Variants in NBEA observed in about 807,000 individuals in gnomAD.
NBEA encodes the protein lysosomal-trafficking regulator 2.
Under a neutral mutation model 343.4 loss-of-function variants are expected in NBEA, and 44 were observed. That is an observed-to-expected ratio of 0.13 (90% CI 0.10 to 0.16). The LOEUF is 0.16. Among genes scored for constraint, NBEA ranks in the 10% least tolerant of loss-of-function variants. The pLI is 1.00. For synonymous variants in NBEA, 1,175 were observed against 1,238.7 expected (o/e 0.95, Z 1.08); for missense variants, 2,555 against 3,631.3 (o/e 0.70, Z 7.62).
chr13:35,077,707 A>G (rs967367344), intron 10 of NBEA, among the ~76,000 whole-genome samples: 1 of 152,122 alleles, frequency 6.6e-6, no homozygotes, highest in African/African-American at 2.4e-5. Flanking sequence ...TTTCTAAAAT[A>G]CAAATCTAAT....
At chr13:34,999,049 C>A (rs916092076) in intron 1 of NBEA, among the ~76,000 whole-genome samples, 1 of 152,096 alleles carries the variant, frequency 6.6e-6, no homozygotes, top group African/African-American at 2.4e-5. Flanking sequence ...TTCAGCTGGT[C>A]CCTCCGTTTG....
intron 33 of NBEA, among the ~76,000 whole-genome samples, chr13:35,230,036 CT>C (rs1202294991): frequency 3.9e-5 from 6 of 152,098 alleles, no homozygotes; most frequent in South Asian, 2.1e-4. Flanking sequence ...TCTTTGCCCC[CT>C]ATTAGAAAAT....
At chr13:35,612,676 G>A (rs374827964) in intron 48 of NBEA, among the ~76,000 whole-genome samples, 5 of 152,210 alleles carry the variant, frequency 3.3e-5, no homozygotes, top group East Asian at 3.9e-4. Flanking sequence ...CCCCTAGACA[G>A]TGTTATACCC....
At chr13:35,474,582 A>AC (rs1327060538) in intron 41 of NBEA, 1 of 153,528 alleles carries the variant, frequency 6.5e-6, no homozygotes, top group African/African-American at 2.4e-5. Context: ...ATCACAAAAC[A>AC]CCAACATCCA....
At chr13:35,497,051 G>C (rs2076709138) in intron 41 of NBEA, among the ~76,000 whole-genome samples, 1 of 152,038 alleles carries the variant, frequency 6.6e-6, no homozygotes, top group South Asian at 2.1e-4. Context: ...AGCTTAGTTA[G>C]ATATGTAGAT....
At chr13:35,646,589 A>G (rs1374063709) in intron 51 of NBEA, among the ~76,000 whole-genome samples, 2 of 152,318 alleles carry the variant, frequency 1.3e-5, no homozygotes, top group African/African-American at 2.4e-5. Flanking sequence ...TTCTCTATGT[A>G]TGACTCTACA....
At chr13:34,988,839 A>T (rs2060651105) in intron 1 of NBEA, among the ~76,000 whole-genome samples, 1 of 150,024 alleles carries the variant, frequency 6.7e-6, no homozygotes, top group Non-Finnish European at 1.5e-5. Context: ...TTATTTTCTT[A>T]TTTTTCTGTA....
intron 16 of NBEA, 129 bp from the exon 17 acceptor site, chr13:35,123,353 T>G (rs1321350233): frequency 8.0e-6 from 4 of 498,122 alleles, no homozygotes; most frequent in Non-Finnish European, 1.3e-5. Flanking sequence ...TTCCAAAGAA[T>G]TATAATCCTG....
rs767928250 is a variant in NBEA at position 35,177,017 on chromosome 13, G to A, written c.4576G>A (p.Gly1526Ser). 2 of 1,598,864 alleles carry A rather than the reference G, an allele frequency of 1.3e-6. No homozygotes were observed. The highest frequency in any genetic ancestry group is 2.3e-5 in the East Asian group (1 of 44,334). ...ASKTPLENVP[G>S]NLSPIKDPDR... ...AAAGACTCCATTGGAAAATGTTCCA[G>A]GTAACCTTTCTCCTATTAAGGATCC... Residue 1526 changes from glycine to serine, a missense_variant, in exon 28 of 59, where the codon GGT becomes AGT. Coordinates refer to ENST00000379939, the MANE Select transcript of NBEA (RefSeq NM_001385012.1).
intron 31 of NBEA, among the ~76,000 whole-genome samples, chr13:35,196,629 G>A (rs1018442561): frequency 3.3e-5 from 5 of 152,124 alleles, no homozygotes; most frequent in South Asian, 2.1e-4. Context: ...GTACATAATG[G>A]GGAAGGGGAT....
At chr13:35,105,584 A>G (rs948221847) in intron 11 of NBEA, among the ~76,000 whole-genome samples, 2 of 151,982 alleles carry the variant, frequency 1.3e-5, no homozygotes, top group African/African-American at 4.8e-5. Context: ...CTTCTCTCCA[A>G]TTTGATTGGT....
Position 35,159,794 on chromosome 13 carries a change from T to G in NBEA, c.3623T>G (p.Phe1208Cys). Reference protein sequence around the residue: ...CTSSIIEEKEFKIHTTSDGMS... With the variant: ...CTSSIIEEKECKIHTTSDGMS... Reference sequence around the variant, plus strand: ...TCCAGTATAATAGAAGAAAAAGAATTCAAAATCCATACAACTTCAGATGGA... The same window carrying G: ...TCCAGTATAATAGAAGAAAAAGAATGCAAAATCCATACAACTTCAGATGGA... Residue 1208 changes from phenylalanine (F) to cysteine (C), a missense_variant, in exon 22 of 59, where the codon TTC becomes TGC. Physicochemically the swap from Phe to Cys is radical, Grantham distance 205. Transcript: ENST00000379939. The G allele has an allele frequency of 6.2e-7, 1 of 1,612,072 alleles. No homozygotes were observed. The highest frequency in any genetic ancestry group is 8.5e-7 in the Non-Finnish European group (1 of 1,179,080).
intron 48 of NBEA, among the ~76,000 whole-genome samples, chr13:35,626,549 A>G (rs17830955): frequency 0.067 from 10,183 of 152,268 alleles, 386 homozygotes; most frequent in African/African-American, 0.09. Context: ...TTCCATAACT[A>G]AATTGAATTC....
At chr13:35,195,390 CTTTTTGTTTTTT>C (rs1307055850) in intron 30 of NBEA, among the ~76,000 whole-genome samples, 1 of 150,886 alleles carries the variant, frequency 6.6e-6, no homozygotes, top group East Asian at 1.9e-4. Flanking sequence ...TGGATGATAT[CTTTTTGTTTTTT>C]TTTTTGTTTT....
At chr13:35,644,447 T>C (rs2084121287) in intron 49 of NBEA, among the ~76,000 whole-genome samples, 1 of 152,174 alleles carries the variant, frequency 6.6e-6, no homozygotes, top group African/African-American at 2.4e-5. Context: ...GAAACAAAAC[T>C]AGAGTCAAGC....
chr13:35,137,204 A>G (rs1006674657), intron 17 of NBEA, among the ~76,000 whole-genome samples: 1 of 152,150 alleles, frequency 6.6e-6, no homozygotes, highest in Non-Finnish European at 1.5e-5. Context: ...CAATCCCAGC[A>G]CTTTGGGAGG....
chr13:35,478,444 G>T (rs1044782537), intron 41 of NBEA, among the ~76,000 whole-genome samples: 1 of 152,186 alleles, frequency 6.6e-6, no homozygotes, highest in South Asian at 2.1e-4. Context: ...CGACGGCGAG[G>T]ATGTGCAGTG....
intron 39 of NBEA, among the ~76,000 whole-genome samples, chr13:35,432,705 C>G (rs2045200810): frequency 6.6e-6 from 1 of 151,674 alleles, no homozygotes; most frequent in African/African-American, 2.4e-5. Context: ...TTCTCGGTGT[C>G]TTTCAAACTT....
intron 24 of NBEA, among the ~76,000 whole-genome samples, chr13:35,167,125 AC>A (rs1190992165): frequency 6.6e-6 from 1 of 152,016 alleles, no homozygotes; most frequent in Non-Finnish European, 1.5e-5. Context: ...TAGTTCACAA[AC>A]TTTTGTGTAT....
Sources: gnomAD v4.1 joint callset for allele counts (sites outside exome capture counted in the v4.1 genomes callset) on GRCh38, gnomAD v4.1.1 for gene constraint, MANE v1.5 for transcripts, NCBI Gene and HGNC (gene_info 2026-07-23, HGNC 2026-07-21) for gene names.